Variants in FER observed in about 807,000 individuals in gnomAD.
FER encodes the protein tyrosine-protein kinase Fer.
Under a neutral mutation model 111.0 loss-of-function variants are expected in FER, and 63 were observed. The observed-to-expected ratio is 0.57, with a 90% CI of 0.46 to 0.70. FER has a LOEUF of 0.70. FER is among the 30% of genes least tolerant of loss of function. FER has a pLI of 0.00. For synonymous variants in FER, 327 were observed against 313.9 expected, an observed-to-expected ratio of 1.04 and a Z score of -0.44; for missense variants, 914 against 954.0, an observed-to-expected ratio of 0.96 and a Z score of 0.55.
chr5:108,999,042 AT>A (rs1764371849), intron 13 of FER, among the ~76,000 whole-genome samples: 1 of 152,154 alleles, frequency 6.6e-6, no homozygotes, highest in African/African-American at 2.4e-5. Context: ...CTAACTTTTA[AT>A]TTTTTTCTAA....
intron 13 of FER, among the ~76,000 whole-genome samples, chr5:108,998,474 C>T (rs901750635): frequency 2.6e-5 from 4 of 152,114 alleles, no homozygotes; most frequent in Admixed American, 6.6e-5. Context: ...CTCCATTGGC[C>T]GCACCCACTG....
intron 16 of FER, among the ~76,000 whole-genome samples, chr5:109,058,720 CTTTCTTTTTTTTTT>C (rs1213605449): frequency 6.8e-5 from 6 of 88,026 alleles, no homozygotes; most frequent in African/African-American, 2.0e-4. Context: ...TTCTTTCTTT[CTTTCTTTTTTTTTT>C]TTTTTTTTTT....
chr5:109,171,194 T>C (rs1757060398), intron 17 of FER, among the ~76,000 whole-genome samples: 1 of 152,180 alleles, frequency 6.6e-6, no homozygotes, highest in Non-Finnish European at 1.5e-5. Context: ...TCAGGGTTGA[T>C]GTGTGGTGCA....
intron 17 of FER, among the ~76,000 whole-genome samples, chr5:109,164,269 TAC>T (rs1466146169): frequency 6.6e-6 from 1 of 152,196 alleles, no homozygotes; most frequent in Non-Finnish European, 1.5e-5. Flanking sequence ...CATAGTGTGT[TAC>T]TCCATAATTG....
chr5:109,185,172 G>C (rs1258388106), intron 18 of FER, among the ~76,000 whole-genome samples: 1 of 152,106 alleles, frequency 6.6e-6, no homozygotes, highest in African/African-American at 2.4e-5. Flanking sequence ...GTGCTGGTTT[G>C]TATCTTTGTG....
chr5:109,101,399 G>C (rs962430515), intron 17 of FER, among the ~76,000 whole-genome samples: 1 of 151,198 alleles, frequency 6.6e-6, no homozygotes, highest in Admixed American at 6.6e-5. Flanking sequence ...CATTGTCCAG[G>C]CTTTGCTTTA....
intron 3 of FER, among the ~76,000 whole-genome samples, chr5:108,821,040 A>C (rs1480238998): frequency 2.0e-5 from 3 of 152,240 alleles, no homozygotes; most frequent in Non-Finnish European, 4.4e-5. Flanking sequence ...TGAACCCAGG[A>C]GGTGGAAAGT....
intron 17 of FER, among the ~76,000 whole-genome samples, chr5:109,165,270 TG>T (rs1756411266): frequency 6.6e-6 from 1 of 152,214 alleles, no homozygotes; most frequent in African/African-American, 2.4e-5. Flanking sequence ...TGATCATTAT[TG>T]ATGACTCAGG....
At chr5:109,152,130 G>C (rs886438275) in intron 17 of FER, among the ~76,000 whole-genome samples, 2 of 152,008 alleles carry the variant, frequency 1.3e-5, no homozygotes. Context: ...ATATGAACTT[G>C]AGGAAACAAG....
intron 3 of FER, among the ~76,000 whole-genome samples, chr5:108,802,053 A>G (rs1322225187): frequency 6.6e-6 from 1 of 152,102 alleles, no homozygotes; most frequent in Non-Finnish European, 1.5e-5. Flanking sequence ...AAACTTACGA[A>G]TTGTTTATTT....
chr5:109,189,371 G>T lies in FER; in HGVS notation c.*1796G>T, dbSNP rs1759207675. The T allele has an allele frequency of 6.6e-6, 1 of 152,216 alleles. No homozygotes were observed. Among genetic ancestry groups the T allele is most frequent in the Non-Finnish European group, 1.5e-5 (1 of 68,046 alleles). 9.4% of individuals were successfully genotyped at this position (152,216 alleles called of 1,614,324 possible). On this transcript the variant is annotated 3_prime_UTR_variant, in exon 20 of 20. Transcript: ENST00000281092. ...TTGGAAGAGCTTAGGGATAGAAAATGCCTCCTGCCCTCTCCAGCTGTTTGC... is the reference window on the plus strand; with the variant it reads ...TTGGAAGAGCTTAGGGATAGAAAATTCCTCCTGCCCTCTCCAGCTGTTTGC...
intron 14 of FER, among the ~76,000 whole-genome samples, chr5:109,043,708 C>T (rs1263767771): frequency 2.0e-5 from 3 of 152,130 alleles, no homozygotes; most frequent in Non-Finnish European, 4.4e-5. Context: ...TGTGGTGGCT[C>T]ACACCTATAA....
intron 1 of FER, among the ~76,000 whole-genome samples, chr5:108,763,269 A>G (rs1423785903): frequency 5.3e-5 from 8 of 152,216 alleles, no homozygotes; most frequent in African/African-American, 1.9e-4. Flanking sequence ...TTTTATATAC[A>G]TACATTAATA....
chr5:109,026,682 G>A lies in FER; in HGVS notation c.1657-10740G>A. Among the ~76,000 whole-genome samples the A allele has an allele frequency of 1.3e-5, 2 of 152,008 alleles. 1 individual carries two copies. Among genetic ancestry groups the A allele is most frequent in the South Asian group, 4.1e-4 (2 of 4,820 alleles). ...ATCATCTTATGTATTGTGACATTTT[G>A]TTAATTATTCTTTCTTTTTTGTTGT... On this transcript the variant is annotated intron_variant, in intron 13 of 19. Transcript: ENST00000281092.
chr5:109,002,266 A>G (rs894042308), intron 13 of FER, among the ~76,000 whole-genome samples: 5 of 152,076 alleles, frequency 3.3e-5, no homozygotes, highest in African/African-American at 7.2e-5. Context: ...GACTGGTACC[A>G]AAGCGGAGAT....
chr5:109,162,410 C>T (rs527634412), intron 17 of FER, among the ~76,000 whole-genome samples: 2 of 151,536 alleles, frequency 1.3e-5, no homozygotes, highest in East Asian at 1.9e-4. Context: ...ACTGTGTTAC[C>T]AAAAATAAAG....
intron 17 of FER, among the ~76,000 whole-genome samples, chr5:109,120,726 T>G (rs1241685467): frequency 6.6e-6 from 1 of 152,136 alleles, no homozygotes; most frequent in Non-Finnish European, 1.5e-5. Flanking sequence ...ATTCCTTCAA[T>G]TCATGAACAT....
At chr5:108,768,934 C>T (rs1250697959) in intron 2 of FER, among the ~76,000 whole-genome samples, 2 of 151,936 alleles carry the variant, frequency 1.3e-5, no homozygotes, top group African/African-American at 2.4e-5. Context: ...AAGCGATTCT[C>T]CTGCCTCAGC....
At chr5:108,870,839 T>A (rs1428601537) in intron 6 of FER, among the ~76,000 whole-genome samples, 1 of 152,080 alleles carries the variant, frequency 6.6e-6, no homozygotes, top group African/African-American at 2.4e-5. Context: ...TTGATGACAT[T>A]TTTGCTACTG....
Sources: gnomAD v4.1 joint callset for allele counts (sites outside exome capture counted in the v4.1 genomes callset) on GRCh38, gnomAD v4.1.1 for gene constraint, MANE v1.5 for transcripts, NCBI Gene and HGNC (gene_info 2026-07-23, HGNC 2026-07-21) for gene names.